CSTF3: variants seen among roughly 807,000 people sequenced by gnomAD.
The protein encoded by CSTF3 is cleavage stimulation factor subunit 3.
A neutral mutation model predicts 105.8 loss-of-function variants in CSTF3; 29 were observed. That is an observed-to-expected ratio of 0.27 (90% CI 0.20 to 0.37). CSTF3 has a LOEUF of 0.37. Among genes scored for constraint, CSTF3 ranks in the 10% least tolerant of loss-of-function variants. The probability of loss-of-function intolerance (pLI) is 1.00; values close to 1 mark genes in which losing one functional copy is unlikely to be tolerated. For missense variants in CSTF3, 357 were observed against 879.3 expected (o/e 0.41, Z 7.51); for synonymous variants, 252 against 281.9 (o/e 0.89, Z 1.06).
In CSTF3 at chr11:33,103,188, G is replaced by GA; in HGVS notation, c.586-5dup. The GA allele has an allele frequency of 2.9e-6, 4 of 1,403,398 alleles. No homozygotes were observed. The highest frequency in any genetic ancestry group is 1.5e-5 in the African/African-American group (1 of 67,888). 86.9% of individuals were successfully genotyped at this position (1,403,398 alleles called of 1,614,324 possible). ...TAGCTAAATGAATATTGATACCCTA[G>GA]AAAAAAACAAAAATATTTTAAAATT... On this transcript the variant is annotated splice_polypyrimidine_tract_variant and splice_region_variant and intron_variant, in intron 8 of 20. Transcript: ENST00000323959.
intron 1 of CSTF3, among the ~76,000 whole-genome samples, chr11:33,153,128 C>CA (rs140343163): frequency 6.6e-6 from 1 of 150,976 alleles, no homozygotes; most frequent in East Asian, 1.9e-4. Context: ...AAAAAAAAGT[C>CA]AAAAGAATGG....
chr11:33,084,850 C>CTT lies in CSTF3; in HGVS notation c.*235_*236dup. On this transcript the variant is annotated 3_prime_UTR_variant, in exon 21 of 21. Coordinates refer to ENST00000323959, the MANE Select transcript of CSTF3 (RefSeq NM_001326.3). The stretch of plus-strand genomic sequence containing the variant: ...GAGGGAACAAAATGTGGTTCTGCCA[C>CTT]TTTGTACTGTTCTCACATTTTTGAA... 1.8e-6 allele frequency: 1 copy of CTT among 551,468 alleles called. No homozygotes were observed. Among genetic ancestry groups the CTT allele is most frequent in the Non-Finnish European group, 3.2e-6 (1 of 308,978 alleles). 34.2% of individuals were successfully genotyped at this position (551,468 alleles called of 1,614,324 possible).
At chr11:33,141,640 T>C (rs774457416) in intron 3 of CSTF3, 27 bp downstream of exon 3, 11 of 1,594,506 alleles carry the variant, frequency 6.9e-6, no homozygotes, top group Non-Finnish European at 9.4e-6. Context: ...AATACTGATA[T>C]AAGAAAAAAT....
chr11:33,150,058 A>AACAAC (rs1281295988), intron 1 of CSTF3, among the ~76,000 whole-genome samples: 1 of 110,730 alleles, frequency 9.0e-6, no homozygotes, highest in East Asian at 3.0e-4. Context: ...ACAACAACAA[A>AACAAC]ACAAAAATTA....
chr11:33,146,894 G>A (rs1855790861), intron 1 of CSTF3, among the ~76,000 whole-genome samples: 1 of 152,076 alleles, frequency 6.6e-6, no homozygotes, highest in Non-Finnish European at 1.5e-5. Flanking sequence ...GGCCAGGCAT[G>A]GTAGCTCATG....
intron 3 of CSTF3, among the ~76,000 whole-genome samples, chr11:33,122,756 A>C (rs1159625561): frequency 1.3e-5 from 2 of 151,934 alleles, no homozygotes; most frequent in Non-Finnish European, 2.9e-5. Flanking sequence ...CTCTACAAAA[A>C]AATACAAAAA....
intron 3 of CSTF3, among the ~76,000 whole-genome samples, chr11:33,127,775 C>T (rs938748005): frequency 6.6e-6 from 1 of 152,054 alleles, no homozygotes; most frequent in African/African-American, 2.4e-5. Context: ...TTTGGGTATT[C>T]CAAAAGTATC....
rs79663436 is a variant in CSTF3 at position 33,138,982 on chromosome 11, T to C, written c.225+2685A>G. Among the ~76,000 whole-genome samples, 467 of 152,004 alleles carry C rather than the reference T, an allele frequency of 3.1e-3. 2 individuals are homozygous for C. Among genetic ancestry groups the C allele is most frequent in the African/African-American group, 0.011 (444 of 41,540 alleles). Reference sequence around the variant, plus strand: ...ATGAAAGCATGTGACAAATTCAGAATGACATTTTAAATCCAAATTTTACAT... The same window carrying C: ...ATGAAAGCATGTGACAAATTCAGAACGACATTTTAAATCCAAATTTTACAT... On this transcript the variant is annotated intron_variant, in intron 3 of 20. Transcript: ENST00000323959.
intron 1 of CSTF3, among the ~76,000 whole-genome samples, chr11:33,152,185 G>A (rs2133807286): frequency 6.6e-6 from 1 of 152,292 alleles, no homozygotes; most frequent in South Asian, 2.1e-4. Flanking sequence ...AGCCGGCGGG[G>A]AGGGGCAGAG....
intron 1 of CSTF3, among the ~76,000 whole-genome samples, chr11:33,154,490 T>A (rs1849832975): frequency 2.3e-5 from 1 of 44,398 alleles, no homozygotes; most frequent in Non-Finnish European, 6.5e-5. Flanking sequence ...CGTAAGACTT[T>A]CTTTTTTTTT....
At chr11:33,127,193 T>C (rs1165191169) in intron 3 of CSTF3, among the ~76,000 whole-genome samples, 2 of 152,204 alleles carry the variant, frequency 1.3e-5, no homozygotes, top group Non-Finnish European at 2.9e-5. Context: ...GCAGACATTA[T>C]GCACAAATTT....
At chr11:33,100,082 T>G (rs977042283) in intron 10 of CSTF3, among the ~76,000 whole-genome samples, 3 of 151,814 alleles carry the variant, frequency 2.0e-5, no homozygotes, top group Admixed American at 6.6e-5. Context: ...TGTGGCCAGG[T>G]GCGGTGGCTC....
intron 3 of CSTF3, among the ~76,000 whole-genome samples, chr11:33,111,692 C>T (rs2133781019): frequency 6.6e-6 from 1 of 152,202 alleles, no homozygotes; most frequent in Admixed American, 6.5e-5. Flanking sequence ...GCATACCCGT[C>T]CCCAACAAAG....
intron 3 of CSTF3, among the ~76,000 whole-genome samples, chr11:33,126,964 A>C (rs1324795531): frequency 1.3e-5 from 2 of 152,258 alleles, no homozygotes; most frequent in African/African-American, 2.4e-5. Flanking sequence ...CAGAGTGGTC[A>C]CAGTAGATCT....
rs1855158309 is a variant in CSTF3 at position 33,090,477 on chromosome 11, C to CAGGTTAGAGTGCAGG, written c.1641+54_1641+55insCCTGCACTCTAACCT. ...TTAGAGTGCAGGTTATCAATGAACT[C>CAGGTTAGAGTGCAGG]TTCTAAAACACTGGAAAAGTGAGGA... is the stretch of plus-strand genomic sequence containing the variant. On this transcript the variant is annotated intron_variant, in intron 17 of 20. Transcript: ENST00000323959. 4 of 1,124,098 alleles carry CAGGTTAGAGTGCAGG rather than the reference C, an allele frequency of 3.6e-6. No homozygotes were observed. The African/African-American group carries it at 4.8e-5, about 13-fold the overall frequency. 69.6% of individuals were successfully genotyped at this position (1,124,098 alleles called of 1,614,324 possible). A position where few individuals can be genotyped will look rare whatever the true frequency, so the allele number is the denominator to read the frequency against.
chr11:33,086,149 C>T (rs200947426), intron 18 of CSTF3, among the ~76,000 whole-genome samples, 160 bp from the exon 19 acceptor site: 2 of 137,592 alleles, frequency 1.5e-5, no homozygotes, highest in Admixed American at 7.3e-5. Context: ...GGTGAGACAG[C>T]AGTCTCAATG....
chr11:33,130,205 G>A (rs1855584448), intron 3 of CSTF3, among the ~76,000 whole-genome samples: 1 of 152,156 alleles, frequency 6.6e-6, no homozygotes, highest in Non-Finnish European at 1.5e-5. Context: ...GGGCATGGTG[G>A]CTCATGCCTG....
chr11:33,113,036 C>T (rs376001171), intron 3 of CSTF3, among the ~76,000 whole-genome samples: 124 of 151,808 alleles, frequency 8.2e-4, no homozygotes, highest in East Asian at 1.8e-3. Context: ...AGTGAAACCC[C>T]GTCTCTACTA....
At chr11:33,112,796 A>G (rs1369049329) in intron 3 of CSTF3, among the ~76,000 whole-genome samples, 1 of 152,224 alleles carries the variant, frequency 6.6e-6, no homozygotes, top group African/African-American at 2.4e-5. Flanking sequence ...CTAAAAATAA[A>G]AAAAAATTCT....
Sources: gnomAD v4.1 joint callset for allele counts (sites outside exome capture counted in the v4.1 genomes callset) on GRCh38, gnomAD v4.1.1 for gene constraint, MANE v1.5 for transcripts, NCBI Gene and HGNC (gene_info 2026-07-23, HGNC 2026-07-21) for gene names.